Variants in DLGAP2 observed in about 807,000 individuals in gnomAD.
The protein encoded by DLGAP2 is disks large-associated protein 2.
Under a neutral mutation model 100.3 loss-of-function variants are expected in DLGAP2, and 26 were observed. That is an observed-to-expected ratio of 0.26 (90% CI 0.19 to 0.36). DLGAP2 has a LOEUF of 0.36. Among genes scored for constraint, DLGAP2 ranks in the 10% least tolerant of loss-of-function variants. The pLI is 1.00. For missense variants in DLGAP2, 1,858 were observed against 1,453.2 expected (o/e 1.28, Z -4.53); for synonymous variants, 886 against 630.1 (o/e 1.41, Z -6.08).
intron 2 of DLGAP2, among the ~76,000 whole-genome samples, chr8:1,201,234 C>T (rs926090664): frequency 4.6e-5 from 7 of 152,188 alleles, no homozygotes; most frequent in Non-Finnish European, 7.3e-5. Context: ...GGTGCATGCA[C>T]GCGTGTGATT....
intron 3 of DLGAP2, among the ~76,000 whole-genome samples, chr8:1,331,537 C>G (rs548932352): frequency 6.6e-6 from 1 of 152,304 alleles, no homozygotes; most frequent in Admixed American, 6.5e-5. Flanking sequence ...TGTTTGTAAA[C>G]TCTTTGCGTT....
intron 3 of DLGAP2, among the ~76,000 whole-genome samples, chr8:1,371,462 T>A (rs1014438255): frequency 6.6e-6 from 1 of 152,212 alleles, no homozygotes; most frequent in Non-Finnish European, 1.5e-5. Flanking sequence ...CTCAGGCTGG[T>A]GCTCTGCCCA....
chr8:1,043,071 TGGTGGATGTGGGA>T (rs1802407235), intron 2 of DLGAP2, among the ~76,000 whole-genome samples: 2 of 141,590 alleles, frequency 1.4e-5, no homozygotes, highest in South Asian at 4.7e-4. Flanking sequence ...TGGATGTGGG[TGGTGGATGTGGGA>T]GGTGGATGTA....
At chr8:1,561,567 G>C (rs148711488) in intron 5 of DLGAP2, among the ~76,000 whole-genome samples, 15 of 152,286 alleles carry the variant, frequency 9.8e-5, no homozygotes, top group Middle Eastern at 3.4e-3. Flanking sequence ...TCTAGTGTGC[G>C]TGGTGCTAGG....
At chr8:928,407 G>T (rs911152180) in intron 2 of DLGAP2, among the ~76,000 whole-genome samples, 1 of 152,138 alleles carries the variant, frequency 6.6e-6, no homozygotes, top group African/African-American at 2.4e-5. Flanking sequence ...TGTCCTGGAC[G>T]TGGATTTACT....
chr8:1,201,909 C>T (rs557662818), intron 2 of DLGAP2, among the ~76,000 whole-genome samples: 107 of 151,864 alleles, frequency 7.0e-4, no homozygotes, highest in African/African-American at 2.5e-3. Flanking sequence ...TACATGTGTG[C>T]ACATGTGTGG....
chr8:826,708 G>T (rs976768176), intron 1 of DLGAP2, among the ~76,000 whole-genome samples: 1 of 152,024 alleles, frequency 6.6e-6, no homozygotes, highest in African/African-American at 2.4e-5. Context: ...GCTTCACTCG[G>T]TCATGCTGAC....
At chr8:1,073,025 C>T (rs1215081323) in intron 2 of DLGAP2, among the ~76,000 whole-genome samples, 1 of 152,142 alleles carries the variant, frequency 6.6e-6, no homozygotes, top group African/African-American at 2.4e-5. Flanking sequence ...CTCATTTGTA[C>T]CTCTGATCTT....
At chr8:1,046,617 G>A (rs984178076) in intron 2 of DLGAP2, among the ~76,000 whole-genome samples, 67 of 152,216 alleles carry the variant, frequency 4.4e-4, no homozygotes, top group Non-Finnish European at 1.0e-4. Flanking sequence ...AGATGCTGTT[G>A]GAGATGTGTT....
chr8:1,681,411 C>A (rs141257007), intron 12 of DLGAP2, among the ~76,000 whole-genome samples: 12 of 152,176 alleles, frequency 7.9e-5, no homozygotes, highest in East Asian at 5.8e-4. Context: ...GGCGGGAGGA[C>A]TGCTTGTGCC....
chr8:843,412 G>A (rs949703421), intron 1 of DLGAP2, among the ~76,000 whole-genome samples: 2 of 152,208 alleles, frequency 1.3e-5, no homozygotes, highest in Non-Finnish European at 2.9e-5. Context: ...TTTACGGGGA[G>A]ACCCCTCTGC....
intron 1 of DLGAP2, among the ~76,000 whole-genome samples, chr8:785,385 T>A (rs1821819554): frequency 6.7e-6 from 1 of 149,808 alleles, no homozygotes; most frequent in Non-Finnish European, 1.5e-5. Flanking sequence ...CATGCCCCTC[T>A]GAGACCGGCT....
chr8:1,234,426 G>A (rs1201213033), intron 2 of DLGAP2, among the ~76,000 whole-genome samples: 3 of 152,220 alleles, frequency 2.0e-5, no homozygotes, highest in East Asian at 1.9e-4. Context: ...ACTCCCTGTG[G>A]GTCTGATTCC....
In DLGAP2 at chr8:1,066,351, G is replaced by T. The variant is rs114820269; in HGVS notation, c.73+158385G>T. 4.8e-3 allele frequency among the ~76,000 whole-genome samples: 724 copies of T among 150,116 alleles called. 7 individuals carry two copies. Among genetic ancestry groups the T allele is most frequent in the African/African-American group, 0.017 (685 of 40,636 alleles). The stretch of plus-strand genomic sequence containing the variant: ...CTGAGCGAGGGCAGCTCCTCACCAC[G>T]GTCAGGTCTGAGTGAGGACAGTTCC... On this transcript the variant is annotated intron_variant, in intron 2 of 14. Coordinates refer to ENST00000637795, the MANE Select transcript of DLGAP2 (RefSeq NM_001346810.2).
At chr8:1,484,281 G>A (rs560413227) in intron 3 of DLGAP2, among the ~76,000 whole-genome samples, 1 of 152,240 alleles carries the variant, frequency 6.6e-6, no homozygotes, top group South Asian at 2.1e-4. Flanking sequence ...CCGTATCACT[G>A]CCTGGTCCAA....
At chr8:1,293,618 C>T (rs1210674132) in intron 3 of DLGAP2, among the ~76,000 whole-genome samples, 1 of 152,132 alleles carries the variant, frequency 6.6e-6, no homozygotes, top group Non-Finnish European at 1.5e-5. Flanking sequence ...AGCCATTAAC[C>T]TCCAATTTGA....
chr8:1,261,427 C>G, intron 3 of DLGAP2, among the ~76,000 whole-genome samples: 1 of 148,930 alleles, frequency 6.7e-6, no homozygotes, highest in East Asian at 2.0e-4. Context: ...ATCTTTAAAA[C>G]GAGACAGACT....
Position 876,409 on chromosome 8 carries a change from G to A in DLGAP2, c.19-31503G>A, listed in dbSNP as rs137945590. Among the ~76,000 whole-genome samples, 217 of 152,214 alleles carry A rather than the reference G, an allele frequency of 1.4e-3. 1 individual carries two copies. The highest frequency in any genetic ancestry group is 5.0e-3 in the African/African-American group (207 of 41,542). Reference sequence around the variant, plus strand: ...AATAGGTTTTCTGGATACAGCATTCGTGATAGACAGTTTTGTTTTTCTTTT... The same window carrying A: ...AATAGGTTTTCTGGATACAGCATTCATGATAGACAGTTTTGTTTTTCTTTT... On this transcript the variant is annotated intron_variant, in intron 1 of 14. Coordinates refer to ENST00000637795, the MANE Select transcript of DLGAP2 (RefSeq NM_001346810.2).
At chr8:821,351 C>T (rs769719271) in intron 1 of DLGAP2, among the ~76,000 whole-genome samples, 1 of 152,084 alleles carries the variant, frequency 6.6e-6, no homozygotes, top group Non-Finnish European at 1.5e-5. Flanking sequence ...ATCACCAGCT[C>T]AGTGAGAAGA....
Sources: gnomAD v4.1 joint callset for allele counts (sites outside exome capture counted in the v4.1 genomes callset) on GRCh38, gnomAD v4.1.1 for gene constraint, MANE v1.5 for transcripts, NCBI Gene and HGNC (gene_info 2026-07-23, HGNC 2026-07-21) for gene names.